Variants in CA10 observed in about 807,000 individuals in gnomAD.
CA10 encodes the protein carbonic anhydrase-related protein 10.
In CA10, 14 loss-of-function variants were observed where a neutral mutation model predicts 44.2. The ratio of observed to expected loss-of-function variants is 0.32; its 90% CI spans 0.21 to 0.50. The LOEUF is 0.50. CA10 is among the 20% of genes least tolerant of loss of function. The pLI is 0.99. For synonymous variants in CA10, 159 were observed against 141.6 expected (o/e 1.12, Z -0.87); for missense variants, 350 against 409.7 (o/e 0.85, Z 1.26).
chr17:51,838,952 A>G (rs1978297473), intron 3 of CA10, among the ~76,000 whole-genome samples: 1 of 152,232 alleles, frequency 6.6e-6, no homozygotes, highest in Non-Finnish European at 1.5e-5. Context: ...TCTTTCCTAC[A>G]AAATCGTGTG....
At position 51,958,257 on chromosome 17, in the gene CA10, G is replaced by GTTTTT. The variant is rs56021809; in HGVS notation, c.137-27130_137-27126dup. On this transcript the variant is annotated intron_variant, in intron 2 of 8. Transcript: ENST00000451037. ...GTATGATTCTACTGAAAATAACTGA[G>GTTTTT]TTTTTTTTTTTTTTTTGATAATTGG... Among the ~76,000 whole-genome samples, 158 of 146,646 alleles carry GTTTTT rather than the reference G, an allele frequency of 1.1e-3. 4 individuals are homozygous for GTTTTT. The South Asian group carries it at 0.02, about 18-fold the overall frequency.
intron 3 of CA10, among the ~76,000 whole-genome samples, chr17:51,905,069 T>G (rs1981483787): frequency 6.6e-6 from 1 of 152,194 alleles, no homozygotes; most frequent in Admixed American, 6.5e-5. Context: ...ATACAAGAAT[T>G]TCAACCATCA....
intron 3 of CA10, among the ~76,000 whole-genome samples, chr17:51,788,279 T>C (rs1246177030): frequency 6.6e-6 from 1 of 152,256 alleles, no homozygotes; most frequent in Non-Finnish European, 1.5e-5. Flanking sequence ...TGTTGTTGAT[T>C]TCTAGTTTTA....
intron 3 of CA10, among the ~76,000 whole-genome samples, chr17:51,888,549 T>C (rs1980715545): frequency 1.3e-5 from 2 of 152,250 alleles, no homozygotes; most frequent in African/African-American, 4.8e-5. Context: ...TCTCAATAGA[T>C]ATTTTTAAAT....
intron 2 of CA10, among the ~76,000 whole-genome samples, chr17:52,052,135 G>A (rs935291448): frequency 5.3e-5 from 8 of 151,866 alleles, no homozygotes; most frequent in African/African-American, 1.9e-4. Context: ...TCAGAGGGTG[G>A]AGGGTGGGGG....
At chr17:52,029,187 C>T (rs189393825) in intron 2 of CA10, among the ~76,000 whole-genome samples, 1 of 152,270 alleles carries the variant, frequency 6.6e-6, no homozygotes, top group African/African-American at 2.4e-5. Context: ...TTAGATCTTG[C>T]CTTCTCTCAC....
chr17:52,062,802 G>A (rs1054304540), intron 2 of CA10, among the ~76,000 whole-genome samples: 1 of 152,228 alleles, frequency 6.6e-6, no homozygotes, highest in African/African-American at 2.4e-5. Context: ...CCAGGCAGAA[G>A]CCTTCTGCAG....
At chr17:52,091,586 T>C (rs2143212151) in intron 1 of CA10, among the ~76,000 whole-genome samples, 1 of 152,278 alleles carries the variant, frequency 6.6e-6, no homozygotes, top group East Asian at 1.9e-4. Context: ...AAAAGATACA[T>C]GTTAAATCAG....
chr17:51,931,851 T>C (rs909322951), intron 2 of CA10, among the ~76,000 whole-genome samples: 1 of 152,176 alleles, frequency 6.6e-6, no homozygotes, highest in African/African-American at 2.4e-5. Flanking sequence ...TGTATTTCTG[T>C]GGCAATTTCC....
At chr17:51,674,420 A>G (rs1042209071) in intron 4 of CA10, among the ~76,000 whole-genome samples, 1 of 151,952 alleles carries the variant, frequency 6.6e-6, no homozygotes, top group Non-Finnish European at 1.5e-5. Flanking sequence ...TTTCTTTTTT[A>G]TTGTGTCGCT....
intron 1 of CA10, among the ~76,000 whole-genome samples, chr17:52,145,479 CA>C (rs1989563763): frequency 6.6e-6 from 1 of 152,190 alleles, no homozygotes; most frequent in Admixed American, 6.5e-5. Flanking sequence ...CTAAACACAA[CA>C]TGTCCTAACT....
chr17:52,117,219 A>G (rs1162468619), intron 1 of CA10, among the ~76,000 whole-genome samples: 1 of 152,286 alleles, frequency 6.6e-6, no homozygotes, highest in South Asian at 2.1e-4. Flanking sequence ...TAGAGCCCCT[A>G]AGATAATTTC....
At chr17:51,721,504 T>C (rs1173342582) in intron 4 of CA10, among the ~76,000 whole-genome samples, 1 of 151,808 alleles carries the variant, frequency 6.6e-6, no homozygotes, top group Non-Finnish European at 1.5e-5. Context: ...ACCTAGCTAA[T>C]TTTTCTATTT....
At chr17:51,893,202 T>C (rs1980933979) in intron 3 of CA10, among the ~76,000 whole-genome samples, 1 of 152,068 alleles carries the variant, frequency 6.6e-6, no homozygotes, top group South Asian at 2.1e-4. Context: ...AAAGCCACCA[T>C]GAAGGATTGA....
At chr17:52,082,749 A>C (rs1988016588) in intron 1 of CA10, among the ~76,000 whole-genome samples, 1 of 152,248 alleles carries the variant, frequency 6.6e-6, no homozygotes, top group Admixed American at 6.5e-5. Flanking sequence ...AAATAATGCT[A>C]ACCATTTAAA....
At chr17:52,060,072 A>G (rs964795155) in intron 2 of CA10, among the ~76,000 whole-genome samples, 2 of 152,182 alleles carry the variant, frequency 1.3e-5, no homozygotes, top group Non-Finnish European at 2.9e-5. Context: ...GTGTCTTTTT[A>G]TAAGTTGTCA....
intron 3 of CA10, among the ~76,000 whole-genome samples, chr17:51,832,901 C>T (rs1323231467): frequency 6.6e-6 from 1 of 152,170 alleles, no homozygotes; most frequent in Non-Finnish European, 1.5e-5. Context: ...TCAAGCAGCA[C>T]ATCACCTATA....
At position 51,654,919 on chromosome 17, in the gene CA10, CTCTT is replaced by C. The variant is rs201507651; in HGVS notation, c.466-1187_466-1184del. The stretch of plus-strand genomic sequence containing the variant: ...AAAAACGTGATGCCCCCCCCACCAC[CTCTT>C]TCTAATTCTAGTCCATGCTATACAT... On this transcript the variant is annotated intron_variant, in intron 4 of 8. Coordinates refer to ENST00000451037, the MANE Select transcript of CA10 (RefSeq NM_020178.5). 6.5e-3 allele frequency among the ~76,000 whole-genome samples: 989 copies of C among 152,132 alleles called. 5 individuals are homozygous for C. Among genetic ancestry groups the C allele is most frequent in the African/African-American group, 0.022 (911 of 41,452 alleles).
rs149334890 is a variant in CA10, at chr17:51,919,943, C to T, written c.279+11047G>A. Among the ~76,000 whole-genome samples the T allele has an allele frequency of 1.1e-3, 170 of 152,258 alleles. 4 individuals are homozygous for T. In the East Asian group the frequency reaches 0.03, roughly 27 times the overall value. On this transcript the variant is annotated intron_variant, in intron 3 of 8. Transcript: ENST00000451037. ...CTGGGATTACAGGCGTGAGCCACTG[C>T]TCCTGGCCAAATGCCTGTTAGTTTT...
Sources: allele counts gnomAD v4.1 joint callset (sites outside exome capture counted in the v4.1 genomes callset), GRCh38; gene constraint gnomAD v4.1.1; transcripts MANE v1.5; gene names NCBI Gene and HGNC (gene_info 2026-07-23, HGNC 2026-07-21).